SORCS3: variants seen among roughly 807,000 people sequenced by gnomAD.
SORCS3 encodes sortilin related VPS10 domain containing receptor 3, also known as VPS10 domain-containing receptor SorCS3.
Under a neutral mutation model 146.3 loss-of-function variants are expected in SORCS3, and 57 were observed. The ratio of observed to expected loss-of-function variants is 0.39; its 90% CI spans 0.31 to 0.49. The LOEUF (loss-of-function observed/expected upper bound fraction) is 0.49, where lower values mean the gene tolerates loss of function less well. SORCS3 is among the 20% of genes least tolerant of loss of function. The probability of loss-of-function intolerance (pLI) is 0.92; values close to 1 mark genes in which losing one functional copy is unlikely to be tolerated. For missense variants in SORCS3, 1,341 were observed against 1,575.5 expected (o/e 0.85, Z 2.52); for synonymous variants, 653 against 618.5 (o/e 1.06, Z -0.83).
intron 1 of SORCS3, among the ~76,000 whole-genome samples, chr10:104,645,130 C>G (rs952621007): frequency 1.3e-5 from 2 of 152,128 alleles, no homozygotes; most frequent in Admixed American, 1.3e-4. Context: ...ACCTCTTGAC[C>G]ATGTTGCCTG....
At chr10:105,056,317 A>G (rs73342203) in intron 5 of SORCS3, among the ~76,000 whole-genome samples, 8,968 of 152,276 alleles carry the variant, frequency 0.059, 287 homozygotes, top group Middle Eastern at 0.088. Context: ...TCTACTCAGT[A>G]AGTGCCTTCT....
chr10:104,917,911 T>C (rs1264468709), intron 3 of SORCS3, among the ~76,000 whole-genome samples: 1 of 152,236 alleles, frequency 6.6e-6, no homozygotes, highest in Non-Finnish European at 1.5e-5. Flanking sequence ...TCTTATATCA[T>C]GGCTGTTGTG....
At chr10:104,702,923 A>G (rs918891149) in intron 1 of SORCS3, among the ~76,000 whole-genome samples, 1 of 152,200 alleles carries the variant, frequency 6.6e-6, no homozygotes, top group African/African-American at 2.4e-5. Flanking sequence ...TAGTGAGCAC[A>G]TACTTCCTGC....
chr10:104,740,008 C>T (rs2016822048), intron 1 of SORCS3, among the ~76,000 whole-genome samples: 1 of 152,144 alleles, frequency 6.6e-6, no homozygotes, highest in Non-Finnish European at 1.5e-5. Flanking sequence ...ACCTGGACCA[C>T]AAAATATTAG....
chr10:105,030,737 C>T (rs1455617315), intron 4 of SORCS3, among the ~76,000 whole-genome samples: 1 of 151,984 alleles, frequency 6.6e-6, no homozygotes, highest in Non-Finnish European at 1.5e-5. Flanking sequence ...GGATTACAGG[C>T]ATGTGCCACT....
intron 7 of SORCS3, among the ~76,000 whole-genome samples, chr10:105,111,991 A>C (rs1287137602): frequency 6.6e-6 from 1 of 152,192 alleles, no homozygotes; most frequent in Non-Finnish European, 1.5e-5. Flanking sequence ...GTAGAAAAAG[A>C]AGTTGGAAAA....
chr10:104,801,672 T>C (rs1463801835), intron 1 of SORCS3, among the ~76,000 whole-genome samples: 1 of 152,208 alleles, frequency 6.6e-6, no homozygotes, highest in African/African-American at 2.4e-5. Context: ...GATTTTTACA[T>C]CTTAGGACTT....
chr10:105,099,444 T>C (rs772134425), intron 6 of SORCS3, among the ~76,000 whole-genome samples: 5 of 152,236 alleles, frequency 3.3e-5, no homozygotes, highest in Non-Finnish European at 7.3e-5. Context: ...GAATGCTTAG[T>C]AATTCTCAAA....
chr10:105,233,935 T>G lies in SORCS3; in HGVS notation c.2868+10686T>G, dbSNP rs539114893. 3.9e-5 allele frequency among the ~76,000 whole-genome samples: 6 copies of G among 152,270 alleles called. No individual in the cohort carries two copies. The South Asian group carries it at 1.0e-3, about 26-fold the overall frequency. On this transcript the variant is annotated intron_variant, in intron 20 of 26. Coordinates refer to ENST00000369701, the MANE Select transcript of SORCS3 (RefSeq NM_014978.3). ...TTTGGGTATATACCCAGTAATGGGA[T>G]TGCTGGGTCAAAAAATTTTGCCTTC...
intron 1 of SORCS3, among the ~76,000 whole-genome samples, chr10:104,745,471 G>A (rs2016896584): frequency 1.3e-5 from 2 of 152,142 alleles, no homozygotes; most frequent in Admixed American, 1.3e-4. Flanking sequence ...TGACAAGTTA[G>A]GAAATAGTGT....
At chr10:104,747,472 G>A (rs948912549) in intron 1 of SORCS3, among the ~76,000 whole-genome samples, 2 of 152,110 alleles carry the variant, frequency 1.3e-5, no homozygotes, top group Non-Finnish European at 2.9e-5. Flanking sequence ...TAATTAAAGG[G>A]GAGTGGATAG....
chr10:105,245,771 G>A (rs2056862463), intron 21 of SORCS3, 106 bp downstream of exon 21: 1 of 1,388,090 alleles, frequency 7.2e-7, no homozygotes, highest in East Asian at 2.5e-5. Context: ...CAGGCCCTGG[G>A]AAAATTACAT....
At chr10:104,671,215 G>A (rs745553117) in intron 1 of SORCS3, among the ~76,000 whole-genome samples, 7 of 145,182 alleles carry the variant, frequency 4.8e-5, no homozygotes, top group Non-Finnish European at 9.0e-5. Flanking sequence ...TCCTTGACTT[G>A]TTCCTGATCC....
At chr10:105,150,318 C>A (rs1456353827) in intron 9 of SORCS3, among the ~76,000 whole-genome samples, 3 of 152,050 alleles carry the variant, frequency 2.0e-5, no homozygotes, top group African/African-American at 7.2e-5. Flanking sequence ...CCATTCAGTC[C>A]CAGACAGAAA....
chr10:105,130,833 A>G (rs372828338), intron 7 of SORCS3, among the ~76,000 whole-genome samples: 1 of 152,168 alleles, frequency 6.6e-6, no homozygotes, highest in South Asian at 2.1e-4. Flanking sequence ...CCAGTTAGAC[A>G]AACACTAAAT....
At chr10:105,168,943 T>G (rs2056337226) in intron 13 of SORCS3, among the ~76,000 whole-genome samples, 1 of 152,176 alleles carries the variant, frequency 6.6e-6, no homozygotes, top group African/African-American at 2.4e-5. Context: ...TAATTGTTTC[T>G]TATCCTTTTA....
At chr10:104,715,971 CA>C (rs1232281598) in intron 1 of SORCS3, among the ~76,000 whole-genome samples, 1 of 152,204 alleles carries the variant, frequency 6.6e-6, no homozygotes, top group Non-Finnish European at 1.5e-5. Context: ...GTGCTGCTCT[CA>C]CCTCTCTCCT....
At chr10:104,987,017 T>C (rs2054965831) in intron 4 of SORCS3, among the ~76,000 whole-genome samples, 1 of 152,158 alleles carries the variant, frequency 6.6e-6, no homozygotes, top group Non-Finnish European at 1.5e-5. Context: ...TTTAAATTTG[T>C]AAAAACCCCA....
chr10:104,829,865 A>G (rs533961013), intron 1 of SORCS3, among the ~76,000 whole-genome samples: 1 of 152,228 alleles, frequency 6.6e-6, no homozygotes. Context: ...TGTGTCAGCC[A>G]GGGCCTCTAA....
Sources: gnomAD v4.1 joint callset for allele counts (sites outside exome capture counted in the v4.1 genomes callset) on GRCh38, gnomAD v4.1.1 for gene constraint, MANE v1.5 for transcripts, NCBI Gene and HGNC (gene_info 2026-07-23, HGNC 2026-07-21) for gene names.